Variants in WDFY3 observed in about 807,000 individuals in gnomAD.
WDFY3 encodes WD repeat and FYVE domain-containing protein 3.
In WDFY3, 66 loss-of-function variants were observed where a neutral mutation model predicts 409.6. That is an observed-to-expected ratio of 0.16 (90% CI 0.13 to 0.20). The LOEUF is 0.20. Among genes scored for constraint, WDFY3 ranks in the 10% least tolerant of loss-of-function variants. WDFY3 has a pLI of 1.00. For synonymous variants in WDFY3, 1,521 were observed against 1,537.1 expected (o/e 0.99, Z 0.25); for missense variants, 3,031 against 4,298.1 (o/e 0.71, Z 8.24).
chr4:84,817,714 C>A, intron 12 of WDFY3, 129 bp from the exon 13 acceptor site: 2 of 841,808 alleles, frequency 2.4e-6, no homozygotes, highest in Non-Finnish European at 3.6e-6. Context: ...ACCTACCCAA[C>A]TATTTCACCT....
intron 56 of WDFY3, 48 bp downstream of exon 56, chr4:84,702,305 G>T: frequency 1.3e-6 from 2 of 1,503,316 alleles, no homozygotes; most frequent in South Asian, 1.4e-5. Flanking sequence ...ATTTCTATTG[G>T]ACTTTTCCTG....
chr4:84,746,920 A>G (rs1272755556), intron 36 of WDFY3, among the ~76,000 whole-genome samples: 2 of 152,172 alleles, frequency 1.3e-5, no homozygotes, highest in Non-Finnish European at 2.9e-5. Context: ...GTGAAGCCAA[A>G]GCCCATGGCT....
At chr4:84,840,527 C>A (rs1560895683) in intron 6 of WDFY3, among the ~76,000 whole-genome samples, 2 of 152,092 alleles carry the variant, frequency 1.3e-5, no homozygotes, top group African/African-American at 2.4e-5. Flanking sequence ...GAGCTACTTG[C>A]CACCAGCCAG....
intron 55 of WDFY3, among the ~76,000 whole-genome samples, chr4:84,703,671 C>T (rs1313353115): frequency 6.6e-6 from 1 of 152,312 alleles, no homozygotes. Context: ...GCAGAAGCAA[C>T]ACCCTTACCT....
chr4:84,728,135 A>G (rs1013194209), intron 44 of WDFY3, among the ~76,000 whole-genome samples: 4 of 152,214 alleles, frequency 2.6e-5, no homozygotes, highest in African/African-American at 4.8e-5. Flanking sequence ...AGAATTGTAA[A>G]CAAATACTGA....
chr4:84,770,555 GTTA>G (rs1460595062), intron 30 of WDFY3, among the ~76,000 whole-genome samples: 9 of 152,052 alleles, frequency 5.9e-5, no homozygotes, highest in African/African-American at 1.9e-4. Flanking sequence ...AAGTTTCATG[GTTA>G]TATACTTCTA....
At chr4:84,950,641 T>G (rs1773490749) in intron 1 of WDFY3, among the ~76,000 whole-genome samples, 1 of 151,992 alleles carries the variant, frequency 6.6e-6, no homozygotes, top group Admixed American at 6.6e-5. Flanking sequence ...ATACAAAAAC[T>G]TAGCCTGGCA....
At chr4:84,680,998 G>A (rs1045102920) in intron 64 of WDFY3, among the ~76,000 whole-genome samples, 7 of 152,120 alleles carry the variant, frequency 4.6e-5, no homozygotes, top group Non-Finnish European at 7.3e-5. Context: ...GGGGGCTATT[G>A]GACTAATGTG....
intron 1 of WDFY3, among the ~76,000 whole-genome samples, chr4:84,936,827 C>A (rs994166556): frequency 6.6e-6 from 1 of 151,972 alleles, no homozygotes; most frequent in African/African-American, 2.4e-5. Flanking sequence ...TGAATCTGTA[C>A]CCTTTCACTG....
At chr4:84,871,985 G>A (rs934820507) in intron 3 of WDFY3, among the ~76,000 whole-genome samples, 1 of 152,180 alleles carries the variant, frequency 6.6e-6, no homozygotes, top group Non-Finnish European at 1.5e-5. Context: ...AAAAATAGCA[G>A]TAATGTGTTG....
chr4:84,721,130 T>C (rs754479669), intron 47 of WDFY3, among the ~76,000 whole-genome samples: 3 of 152,188 alleles, frequency 2.0e-5, no homozygotes, highest in Non-Finnish European at 4.4e-5. Context: ...GGATTTGAAA[T>C]AGAGAATTAT....
At chr4:84,954,112 C>T (rs916679216) in intron 1 of WDFY3, among the ~76,000 whole-genome samples, 2 of 152,066 alleles carry the variant, frequency 1.3e-5, no homozygotes, top group African/African-American at 2.4e-5. Context: ...ATGTTATCAT[C>T]TTTAGGAAAA....
chr4:84,785,919 C>T lies in WDFY3; in HGVS notation c.4062+60G>A, dbSNP rs114854902. On this transcript the variant is annotated intron_variant, in intron 24 of 67. Transcript: ENST00000295888. ...ATAATTGAGTAGTATCCATATGAGACTCTGAGACATGTTCCCAGTGAGAAT... is the reference window on the plus strand; with the variant it reads ...ATAATTGAGTAGTATCCATATGAGATTCTGAGACATGTTCCCAGTGAGAAT... 9.0e-5 allele frequency: 143 copies of T among 1,584,772 alleles called. 2 individuals carry two copies. In the African/African-American group the frequency reaches 1.7e-3, roughly 19 times the overall value.
chr4:84,778,355 C>T, intron 27 of WDFY3, 148 bp downstream of exon 27: 2 of 781,160 alleles, frequency 2.6e-6, no homozygotes, highest in Non-Finnish European at 3.7e-6. Flanking sequence ...CATTATTCTA[C>T]TTTTTATATT....
intron 58 of WDFY3, among the ~76,000 whole-genome samples, chr4:84,693,769 C>G (rs1322070478): frequency 1.3e-5 from 2 of 152,098 alleles, no homozygotes; most frequent in East Asian, 3.9e-4. Context: ...GTGGTACACG[C>G]CTGTAGTTCC....
At chr4:84,792,118 G>T (rs1748636357) in intron 21 of WDFY3, among the ~76,000 whole-genome samples, 2 of 152,100 alleles carry the variant, frequency 1.3e-5, no homozygotes, top group Non-Finnish European at 1.5e-5. Context: ...ATATGAAGAA[G>T]AAAATGCAAA....
intron 30 of WDFY3, among the ~76,000 whole-genome samples, chr4:84,768,168 C>T (rs1744018303): frequency 2.6e-5 from 4 of 152,158 alleles, no homozygotes; most frequent in Admixed American, 1.3e-4. Context: ...GAAGCCATCT[C>T]CATAACAAAA....
chr4:84,679,773 C>T (rs1427801176), intron 64 of WDFY3, among the ~76,000 whole-genome samples: 1 of 151,444 alleles, frequency 6.6e-6, no homozygotes, highest in African/African-American at 2.4e-5. Flanking sequence ...TCTGTGCCTC[C>T]TGAGTTCTTG....
At chr4:84,700,503 C>T (rs1730904918) in intron 56 of WDFY3, among the ~76,000 whole-genome samples, 1 of 152,134 alleles carries the variant, frequency 6.6e-6, no homozygotes, top group African/African-American at 2.4e-5. Context: ...CATGCCTGGC[C>T]CAACCACTGT....
Sources: allele counts gnomAD v4.1 joint callset (sites outside exome capture counted in the v4.1 genomes callset), GRCh38; gene constraint gnomAD v4.1.1; transcripts MANE v1.5; gene names NCBI Gene and HGNC (gene_info 2026-07-23, HGNC 2026-07-21).